Variants in RGS13 observed in about 807,000 individuals in gnomAD.
RGS13 encodes regulator of G protein signaling 13, also known as regulator of G-protein signalling 13.
RGS13 carries 14 observed loss-of-function variants against 19.9 expected under a neutral mutation model. That is an observed-to-expected ratio of 0.70 (90% confidence interval 0.46 to 1.10). RGS13 has a LOEUF of 1.10. Ranked by LOEUF, RGS13 falls within the 50% of genes least tolerant of loss-of-function variation. RGS13 has a pLI of 0.00. For synonymous variants in RGS13, 60 were observed against 56.8 expected, an observed-to-expected ratio of 1.06 and a Z score of -0.25; for missense variants, 205 against 187.1, an observed-to-expected ratio of 1.10 and a Z score of -0.56.
chr1:192,638,184 TTTCTC>T lies in RGS13; in HGVS notation c.-18_-14del, dbSNP rs1049550877. On this transcript the variant is annotated 5_prime_UTR_variant, in exon 3 of 7. It removes the in-frame stop codon of an upstream open reading frame in the 5' UTR. Transcript: ENST00000391995. ...ATCAGATGATATTCTAACGCTGCCT[TTTCTC>T]TTCTCATTTTAGAGGTATGAGAATT... 2 of 152,152 alleles carry T rather than the reference TTTCTC, an allele frequency of 1.3e-5. No homozygotes were observed. The highest frequency in any genetic ancestry group is 2.4e-5 in the African/African-American group (1 of 41,458). 9.4% of individuals were successfully genotyped at this position (152,152 alleles called of 1,614,324 possible).
At chr1:192,653,973 G>C (rs913429638) in intron 5 of RGS13, among the ~76,000 whole-genome samples, 2 of 151,706 alleles carry the variant, frequency 1.3e-5, no homozygotes, top group African/African-American at 2.4e-5. Context: ...GAGCGGGGAG[G>C]GATAGCATTA....
chr1:192,646,023 A>C (rs1663214758), intron 4 of RGS13: 1 of 152,122 alleles, frequency 6.6e-6, no homozygotes, highest in East Asian at 1.9e-4. Flanking sequence ...TTTCCATTTC[A>C]CCAGATTGAA....
At chr1:192,647,732 T>G (rs1663247135) in intron 4 of RGS13, 194 bp from the exon 5 acceptor site, 1 of 262,870 alleles carries the variant, frequency 3.8e-6, no homozygotes, top group Non-Finnish European at 7.1e-6. Context: ...TGCACAATTT[T>G]TATAATTTAA....
intron 6 of RGS13, 56 bp from the exon 7 acceptor site, chr1:192,659,282 G>A (rs1455649402): frequency 2.3e-6 from 3 of 1,316,172 alleles, no homozygotes; most frequent in East Asian, 2.4e-5. Flanking sequence ...TCTACTATAT[G>A]TGCCTTTTTT....
chr1:192,651,819 G>A (rs1308884321), intron 5 of RGS13, among the ~76,000 whole-genome samples: 3 of 152,084 alleles, frequency 2.0e-5, no homozygotes, highest in Admixed American at 2.0e-4. Flanking sequence ...TTGCTTAGGA[G>A]AGGATGTTTT....
intron 4 of RGS13, chr1:192,645,910 C>T (rs1178273322): frequency 6.6e-6 from 1 of 152,124 alleles, no homozygotes; most frequent in Non-Finnish European, 1.5e-5. Flanking sequence ...TTTAAGCTAA[C>T]CCAACACATT....
chr1:192,642,488 A>AT (rs920282930), intron 3 of RGS13, among the ~76,000 whole-genome samples: 3 of 149,758 alleles, frequency 2.0e-5, no homozygotes, highest in African/African-American at 2.5e-5. Context: ...TGCCCAGCTA[A>AT]TTTTTTTTTT....
chr1:192,655,887 A>G (rs1183969636), intron 5 of RGS13, among the ~76,000 whole-genome samples: 1 of 152,010 alleles, frequency 6.6e-6, no homozygotes, highest in East Asian at 1.9e-4. Context: ...TAGATGATAG[A>G]CAGACAGATA....
chr1:192,639,627 A>G (rs1663071480), intron 3 of RGS13, among the ~76,000 whole-genome samples: 1 of 152,198 alleles, frequency 6.6e-6, no homozygotes, highest in Non-Finnish European at 1.5e-5. Context: ...TTCCTGGTAC[A>G]TACAAAAGAA....
chr1:192,651,428 G>A (rs546455351), intron 5 of RGS13, among the ~76,000 whole-genome samples: 110 of 152,032 alleles, frequency 7.2e-4, no homozygotes, highest in Admixed American at 3.7e-3. Flanking sequence ...GACTGGAAGC[G>A]GGAATGAGGT....
At chr1:192,650,858 T>C (rs1663323505) in intron 5 of RGS13, among the ~76,000 whole-genome samples, 1 of 152,086 alleles carries the variant, frequency 6.6e-6, no homozygotes, top group Non-Finnish European at 1.5e-5. Flanking sequence ...TCAAAGATTT[T>C]CTTGTTATTT....
At chr1:192,652,505 A>G (rs557528989) in intron 5 of RGS13, among the ~76,000 whole-genome samples, 9 of 151,978 alleles carry the variant, frequency 5.9e-5, no homozygotes, top group Middle Eastern at 3.4e-3. Context: ...CTTTCCACTT[A>G]GCACTTTTTG....
At chr1:192,636,905 A>G (rs1015619211) in intron 1 of RGS13, among the ~76,000 whole-genome samples, 3 of 151,990 alleles carry the variant, frequency 2.0e-5, no homozygotes, top group African/African-American at 7.2e-5. Context: ...TAAAATATAA[A>G]TTGCTCCAAA....
chr1:192,650,826 ATT>A (rs71931668), intron 5 of RGS13, among the ~76,000 whole-genome samples: 1 of 151,846 alleles, frequency 6.6e-6, no homozygotes, highest in African/African-American at 2.4e-5. Context: ...CATATGAAAG[ATT>A]TTTTTTATAT....
At chr1:192,638,633 A>T (rs1186638104) in intron 3 of RGS13, among the ~76,000 whole-genome samples, 3 of 151,992 alleles carry the variant, frequency 2.0e-5, no homozygotes, top group Admixed American at 2.0e-4. Flanking sequence ...CAGGAGCAGA[A>T]CTCTAGTCAC....
intron 4 of RGS13, chr1:192,646,029 T>G (rs1663214944): frequency 6.6e-6 from 1 of 152,160 alleles, no homozygotes; most frequent in Non-Finnish European, 1.5e-5. Flanking sequence ...TTTCACCAGA[T>G]TGAAAAGGTT....
At position 192,641,305 on chromosome 1, in the gene RGS13, AGAAAAG is replaced by A. The variant is rs1356300104; in HGVS notation, c.-4-3025_-4-3020del. ...AAGAAAGAAAGAAAGAAAGAAAGAAAGAAAAGAAAGAAAGGAGGGAGGGAGGAAGGA... is the reference window on the plus strand; with the variant it reads ...AAGAAAGAAAGAAAGAAAGAAAGAAAAAAGAAAGGAGGGAGGGAGGAAGGA... On this transcript the variant is annotated intron_variant, in intron 3 of 6. Transcript: ENST00000391995. 1.4e-3 allele frequency among the ~76,000 whole-genome samples: 172 copies of A among 122,494 alleles called. 1 individual carries two copies. The highest frequency in any genetic ancestry group is 1.5e-3 in the Non-Finnish European group (80 of 54,254). 80.4% of individuals were successfully genotyped at this position (122,494 alleles called of 152,430 possible). A position where few individuals can be genotyped will look rare whatever the true frequency, so the allele number is the denominator to read the frequency against.
intron 5 of RGS13, among the ~76,000 whole-genome samples, chr1:192,655,362 T>C (rs1024728920): frequency 6.6e-6 from 1 of 152,102 alleles, no homozygotes; most frequent in Non-Finnish European, 1.5e-5. Flanking sequence ...TCCTAGTGAT[T>C]TACATTAATA....
intron 3 of RGS13, among the ~76,000 whole-genome samples, chr1:192,638,675 C>G (rs772944606): frequency 1.3e-5 from 2 of 152,022 alleles, no homozygotes; most frequent in Non-Finnish European, 2.9e-5. Context: ...GTTCCATTTC[C>G]TAAAGGACAG....
Sources: gnomAD v4.1 joint callset for allele counts (sites outside exome capture counted in the v4.1 genomes callset) on GRCh38, gnomAD v4.1.1 for gene constraint, MANE v1.5 for transcripts, NCBI Gene and HGNC (gene_info 2026-07-23, HGNC 2026-07-21) for gene names.